LMBR1: variants seen among roughly 807,000 people sequenced by gnomAD.
LMBR1 encodes limb development membrane protein 1, also known as limb region 1 protein homolog.
In LMBR1, 52 loss-of-function variants were observed where a neutral mutation model predicts 73.9. The ratio of observed to expected loss-of-function variants is 0.70; its 90% CI spans 0.56 to 0.89. The LOEUF (loss-of-function observed/expected upper bound fraction) is 0.89, where lower values mean the gene tolerates loss of function less well. Among genes scored for constraint, LMBR1 ranks in the 40% least tolerant of loss-of-function variants. LMBR1 has a pLI of 0.00. For synonymous variants in LMBR1, 215 were observed against 209.4 expected (o/e 1.03, Z -0.23); for missense variants, 539 against 579.8 (o/e 0.93, Z 0.72).
At chr7:156,840,682 G>A (rs1838505840) in intron 1 of LMBR1, among the ~76,000 whole-genome samples, 1 of 151,832 alleles carries the variant, frequency 6.6e-6, no homozygotes, top group African/African-American at 2.4e-5. Context: ...ACTGGAGGCC[G>A]GGCGCGGTGG....
At position 156,816,009 on chromosome 7, in the gene LMBR1, T is replaced by A. The variant is rs1345574907; in HGVS notation, c.319+10596A>T. Among the ~76,000 whole-genome samples, 15 of 151,690 alleles carry A rather than the reference T, an allele frequency of 9.9e-5. No individual in the cohort carries two copies. In the East Asian group the frequency reaches 2.8e-3, roughly 28 times the overall value. On this transcript the variant is annotated intron_variant, in intron 4 of 16. Coordinates refer to ENST00000353442, the MANE Select transcript of LMBR1 (RefSeq NM_022458.4). ...CTTCCAGAATTTATCTTTCTAATCA[T>A]ACATGTCCCTTTTATACAGTAAAAT...
intron 5 of LMBR1, among the ~76,000 whole-genome samples, chr7:156,771,003 A>G (rs1308777363): frequency 1.3e-5 from 2 of 152,210 alleles, no homozygotes; most frequent in Non-Finnish European, 2.9e-5. Flanking sequence ...AAATCGAAGA[A>G]TTCAGAATTC....
chr7:156,793,939 C>G (rs1829663596), intron 5 of LMBR1, among the ~76,000 whole-genome samples: 1 of 152,158 alleles, frequency 6.6e-6, no homozygotes. Flanking sequence ...GCCAAATTTT[C>G]TCACGGTTGC....
chr7:156,867,025 T>C (rs1252769424), intron 1 of LMBR1, among the ~76,000 whole-genome samples: 2 of 152,210 alleles, frequency 1.3e-5, no homozygotes, highest in Admixed American at 6.5e-5. Flanking sequence ...TACCACAGCA[T>C]TGGTGACTTT....
chr7:156,789,068 A>G (rs1316367361), intron 5 of LMBR1, among the ~76,000 whole-genome samples: 8 of 152,050 alleles, frequency 5.3e-5, no homozygotes. Flanking sequence ...AAATAAATAA[A>G]TCTAGCATTA....
At chr7:156,840,558 G>A (rs1017127757) in intron 1 of LMBR1, among the ~76,000 whole-genome samples, 1 of 152,114 alleles carries the variant, frequency 6.6e-6, no homozygotes, top group Non-Finnish European at 1.5e-5. Context: ...CTCAGGTACT[G>A]TGTGTCGGTT....
intron 4 of LMBR1, among the ~76,000 whole-genome samples, chr7:156,824,127 AATAT>A (rs898985878): frequency 6.8e-6 from 1 of 147,790 alleles, no homozygotes; most frequent in Non-Finnish European, 1.5e-5. Flanking sequence ...CAACAACAAC[AATAT>A]ATATATACAC....
rs954506791 is a variant in LMBR1, at chr7:156,833,757, T to C, written c.175A>G (p.Ile59Val). ...ACTGAACTTTAAAATACATACGAAA[T>C]CCTGTTGACGATGGCATCTTCATCT... is the stretch of plus-strand genomic sequence containing the variant. Reference protein sequence around the residue: ...QEDEDAIVNRISLFLSTFTLA... With the variant: ...QEDEDAIVNRVSLFLSTFTLA... Residue 59 changes from isoleucine to valine, a missense_variant, in exon 3 of 17, where the codon ATT (isoleucine) becomes GTT (valine). Transcript: ENST00000353442. 1 of 1,599,540 alleles carries C rather than the reference T, an allele frequency of 6.3e-7. No homozygotes were observed. Among genetic ancestry groups the C allele is most frequent in the East Asian group, 2.3e-5 (1 of 44,338 alleles).
intron 1 of LMBR1, among the ~76,000 whole-genome samples, chr7:156,891,211 A>AAAAAAAAT (rs1802875174): frequency 1.2e-5 from 1 of 81,488 alleles, no homozygotes; most frequent in African/African-American, 5.2e-5. Context: ...AAAAAAAAAA[A>AAAAAAAAT]ATATATATAT....
chr7:156,892,929 G>C lies in LMBR1; in HGVS notation c.65C>G (p.Thr22Arg). The change falls in exon 1 of 17, where the codon ACG (threonine) becomes AGG (arginine). Residue 22 changes from threonine (T) to arginine (R), a missense_variant and splice_region_variant. Physicochemically the swap from Thr to Arg is moderately conservative, Grantham distance 71 (BLOSUM62 -1). This residue lies in a region of LMBR1 where 454 missense variants were observed against 473.4 expected (regional missense o/e 0.96). Transcript: ENST00000353442. ...AGGGCTGCCTCGGTCCCCACGCACCGTGGACTCCCGCACTTGGCTGTGGAA... is the reference window on the plus strand; with the variant it reads ...AGGGCTGCCTCGGTCCCCACGCACCCTGGACTCCCGCACTTGGCTGTGGAA... Reference protein sequence around the residue: ...QHFHSQVRESTICFLLFAILY... With the variant: ...QHFHSQVRESRICFLLFAILY... 6.5e-7 allele frequency: 1 copy of C among 1,530,396 alleles called. No individual in the cohort carries two copies. Among genetic ancestry groups the C allele is most frequent in the Non-Finnish European group, 8.7e-7 (1 of 1,146,420 alleles). 94.8% of individuals were successfully genotyped at this position (1,530,396 alleles called of 1,614,324 possible).
chr7:156,672,897 A>G (rs149047641), downstream of LMBR1, among the ~76,000 whole-genome samples: 4 of 152,350 alleles, frequency 2.6e-5, no homozygotes, highest in South Asian at 4.1e-4. Flanking sequence ...GGTAACTTCT[A>G]TGACCGTGGT....
At chr7:156,867,274 T>C (rs770256363) in intron 1 of LMBR1, among the ~76,000 whole-genome samples, 7 of 152,224 alleles carry the variant, frequency 4.6e-5, no homozygotes, top group Non-Finnish European at 1.0e-4. Context: ...CAAGTGATGA[T>C]AATGATGTGA....
At chr7:156,725,196 T>C (rs563562335) in intron 14 of LMBR1, among the ~76,000 whole-genome samples, 69 of 152,304 alleles carry the variant, frequency 4.5e-4, no homozygotes, top group African/African-American at 1.6e-3. Flanking sequence ...GAGCCTTCTA[T>C]AGCTAGTTAA....
At chr7:156,734,450 C>G (rs931075327) in intron 9 of LMBR1, among the ~76,000 whole-genome samples, 193 bp from the exon 10 acceptor site, 11 of 152,262 alleles carry the variant, frequency 7.2e-5, no homozygotes, top group African/African-American at 2.2e-4. Flanking sequence ...TTAAACACTA[C>G]ACGTTTCCAC....
chr7:156,827,334 G>T (rs888386798), intron 3 of LMBR1, among the ~76,000 whole-genome samples: 1 of 152,014 alleles, frequency 6.6e-6, no homozygotes, highest in Admixed American at 6.6e-5. Flanking sequence ...TCATAAAAAA[G>T]ATAGCTTTAA....
At chr7:156,821,491 T>C (rs934064693) in intron 4 of LMBR1, among the ~76,000 whole-genome samples, 3 of 152,278 alleles carry the variant, frequency 2.0e-5, no homozygotes, top group Non-Finnish European at 4.4e-5. Flanking sequence ...ATCTGGTGGT[T>C]TGCTTTGCTT....
chr7:156,836,249 T>C (rs1837625111), intron 2 of LMBR1, among the ~76,000 whole-genome samples: 1 of 152,144 alleles, frequency 6.6e-6, no homozygotes, highest in South Asian at 2.1e-4. Context: ...TAACAAAAAA[T>C]AGTAAGGTAA....
At chr7:156,760,807 T>C (rs1822840435) in intron 8 of LMBR1, among the ~76,000 whole-genome samples, 1 of 152,258 alleles carries the variant, frequency 6.6e-6, no homozygotes, top group African/African-American at 2.4e-5. Context: ...ACTAAAAGTA[T>C]AGCCCCTATA....
intron 1 of LMBR1, among the ~76,000 whole-genome samples, chr7:156,859,493 G>C (rs776121914): frequency 4.6e-5 from 7 of 151,952 alleles, no homozygotes; most frequent in Non-Finnish European, 7.4e-5. Flanking sequence ...TAATAAGCAA[G>C]GATGCAGGAT....
Sources: allele counts gnomAD v4.1 joint callset (sites outside exome capture counted in the v4.1 genomes callset), GRCh38; gene constraint gnomAD v4.1.1; regional missense constraint gnomAD v4.1.1; transcripts MANE v1.5; gene names NCBI Gene and HGNC (gene_info 2026-07-23, HGNC 2026-07-21).